The following MYH11 variants were observed in gnomAD, a reference collection of about 807,000 sequenced individuals.
MYH11 encodes myosin heavy chain 11.
Under a neutral mutation model 246.6 loss-of-function variants are expected in MYH11, and 80 were observed. The observed-to-expected ratio is 0.32, with a 90% CI of 0.27 to 0.39. The LOEUF is 0.39. Ranked by LOEUF, MYH11 falls within the 10% of genes least tolerant of loss-of-function variation. The probability of loss-of-function intolerance (pLI) is 1.00; values close to 1 mark genes in which losing one functional copy is unlikely to be tolerated. For missense variants in MYH11, 2,158 were observed against 2,546.8 expected, an observed-to-expected ratio of 0.85 and a Z score of 3.29; for synonymous variants, 1,071 against 1,015.5, an observed-to-expected ratio of 1.05 and a Z score of -1.04.
At chr16:15,751,355 G>A (rs1279432095) in intron 15 of MYH11, among the ~76,000 whole-genome samples, 5 of 151,470 alleles carry the variant, frequency 3.3e-5, no homozygotes, top group African/African-American at 1.2e-4. Context: ...TAGAGACAGA[G>A]TTTCTCCATG....
chr16:15,842,531 G>A (rs1278184908), intron 1 of MYH11, among the ~76,000 whole-genome samples: 14 of 151,992 alleles, frequency 9.2e-5, no homozygotes, highest in Non-Finnish European at 1.9e-4. Context: ...TTGGGGCTGA[G>A]GTAGGAGGAT....
chr16:15,744,505 A>T (rs1291913429), intron 20 of MYH11, among the ~76,000 whole-genome samples: 1 of 134,762 alleles, frequency 7.4e-6, no homozygotes, highest in Non-Finnish European at 1.6e-5. Context: ...TTTTTTAAAT[A>T]AAAAAAAAAA....
intron 2 of MYH11, among the ~76,000 whole-genome samples, chr16:15,834,503 G>C (rs996525483): frequency 3.4e-5 from 5 of 148,054 alleles, no homozygotes; most frequent in Admixed American, 2.7e-4. Flanking sequence ...TCCAGCCTGA[G>C]CAACAAAAGT....
rs185720909 is a variant in MYH11, at chr16:15,724,919, G to A, written c.3932C>T (p.Ala1311Val). 161 of 1,614,112 alleles carry A rather than the reference G, an allele frequency of 1.0e-4. 1 individual carries two copies. The highest frequency in any genetic ancestry group is 8.2e-4 in the Admixed American group (49 of 60,020). Residue 1311 changes from alanine to valine, a missense_variant, in exon 29 of 41, where the codon GCG (alanine) becomes GTG (valine). Around this residue, in one of 11 missense-constraint regions of MYH11, gnomAD observed 1,013 missense variants for 993.5 expected, o/e 1.02. Coordinates refer to ENST00000300036, the MANE Select transcript of MYH11 (RefSeq NM_002474.3). ...GTCCTGGAGCTGGGAACTGAGGGAC[G>A]CCACGTCCTTGGCCAGCTTAATGGC... is the stretch of plus-strand genomic sequence containing the variant. ...GKAIKLAKDVASLSSQLQDTQ... is the reference protein window; with the variant it reads ...GKAIKLAKDVVSLSSQLQDTQ...
rs199997929 is a variant in MYH11 at position 15,714,935 on chromosome 16, C to T, written c.5760G>A (p.Glu1920=). ...TGAGCTTGCTCTTGAGTGCGTTCAC[C>T]TCGCGGCCCATGGCCTCGTTGCTCT... The part of the protein sequence containing the change: ...ATESNEAMGR[E]VNALKSKLRR... The change falls in exon 40 of 41, where the codon GAG becomes GAA. Residue 1920 remains glutamate (E), a synonymous_variant. Coordinates refer to ENST00000300036, the MANE Select transcript of MYH11 (RefSeq NM_002474.3). 6.2e-5 allele frequency: 100 copies of T among 1,614,072 alleles called. No individual in the cohort carries two copies. Among genetic ancestry groups the T allele is most frequent in the Non-Finnish European group, 8.2e-5 (97 of 1,180,050 alleles).
chr16:15,851,623 C>A (rs547876326), intron 1 of MYH11, among the ~76,000 whole-genome samples: 1 of 152,216 alleles, frequency 6.6e-6, no homozygotes, highest in African/African-American at 2.4e-5. Context: ...CCATTCACAT[C>A]CCCCCACCTC....
In MYH11 at chr16:15,763,896, G is replaced by A. The variant is rs1326263127; in HGVS notation, c.1034-5C>T. 2 of 1,611,356 alleles carry A rather than the reference G, an allele frequency of 1.2e-6. No individual in the cohort carries two copies. The highest frequency in any genetic ancestry group is 1.7e-6 in the Non-Finnish European group (2 of 1,177,568). The stretch of plus-strand genomic sequence containing the variant: ...ATGATACCACCTTCAATATGGCTGA[G>A]GTGGGGAGAGAAGGGCAGAGCAGAC... On this transcript the variant is annotated splice_region_variant and splice_polypyrimidine_tract_variant and intron_variant, in intron 9 of 40. Transcript: ENST00000300036.
intron 1 of MYH11, among the ~76,000 whole-genome samples, chr16:15,844,397 C>A (rs1419547382): frequency 1.3e-5 from 2 of 152,138 alleles, no homozygotes; most frequent in African/African-American, 4.8e-5. Context: ...GGGGTTTCAC[C>A]ATATTGTCCA....
At chr16:15,710,070 A>G (rs1369001071) in intron 40 of MYH11, among the ~76,000 whole-genome samples, 1 of 152,236 alleles carries the variant, frequency 6.6e-6, no homozygotes, top group African/African-American at 2.4e-5. Context: ...GTGCACCCAA[A>G]AGATGCAGAA....
chr16:15,760,069 C>G (rs948425424), intron 11 of MYH11, among the ~76,000 whole-genome samples: 13 of 152,092 alleles, frequency 8.5e-5, no homozygotes, highest in Non-Finnish European at 1.3e-4. Flanking sequence ...TGCACCCCCC[C>G]CTGGGCAACA....
chr16:15,767,064 A>C (rs940055384), intron 9 of MYH11, among the ~76,000 whole-genome samples: 3 of 152,122 alleles, frequency 2.0e-5, no homozygotes, highest in Non-Finnish European at 2.9e-5. Flanking sequence ...AGATGGATGG[A>C]TGGCAGATGG....
intron 1 of MYH11, among the ~76,000 whole-genome samples, chr16:15,850,246 G>A (rs2044296582): frequency 6.6e-6 from 1 of 152,010 alleles, no homozygotes; most frequent in African/African-American, 2.4e-5. Context: ...ATAGCCAGGT[G>A]TGGTGGTGGG....
intron 1 of MYH11, among the ~76,000 whole-genome samples, chr16:15,854,708 T>A (rs9925632): frequency 0.19 from 28,808 of 152,150 alleles, 3,355 homozygotes; most frequent in East Asian, 0.43. Flanking sequence ...CTGGATTGAA[T>A]ATTGAACTTG....
At chr16:15,726,456 T>A in intron 28 of MYH11, 1 of 323,292 alleles carries the variant, frequency 3.1e-6, no homozygotes, top group Non-Finnish European at 6.0e-6. Flanking sequence ...CTGCAACCTC[T>A]GCCTCCTGGG....
In MYH11 at chr16:15,732,529, TGTCATCACCAAAA is replaced by T. The variant is rs759944024; in HGVS notation, c.3651+22_3651+34del. ...TGAGGCTGCTGATGTCACTCTTATG[TGTCATCACCAAAA>T]AGCATCACCAAAAAGCATTACCCTC... On this transcript the variant is annotated intron_variant, in intron 27 of 40. Coordinates refer to ENST00000300036, the MANE Select transcript of MYH11 (RefSeq NM_002474.3). The T allele has an allele frequency of 3.2e-5, 52 of 1,614,070 alleles. No individual in the cohort carries two copies. In the Middle Eastern group the frequency reaches 6.6e-4, roughly 20 times the overall value.
intron 14 of MYH11, among the ~76,000 whole-genome samples, chr16:15,755,406 C>G (rs968441949): frequency 6.6e-6 from 1 of 152,114 alleles, no homozygotes; most frequent in African/African-American, 2.4e-5. Context: ...TTGTTGAAGC[C>G]AGGTGTGGAT....
At chr16:15,821,988 C>T (rs1486328824) in intron 3 of MYH11, among the ~76,000 whole-genome samples, 1 of 152,152 alleles carries the variant, frequency 6.6e-6, no homozygotes, top group Non-Finnish European at 1.5e-5. Context: ...GAGATTACAG[C>T]TCCAAGATTG....
chr16:15,751,609 CTTT>C (rs34772774), intron 15 of MYH11, among the ~76,000 whole-genome samples: 3 of 116,334 alleles, frequency 2.6e-5, no homozygotes, highest in Admixed American at 8.7e-5. Flanking sequence ...GTGTAACAAT[CTTT>C]TTTTTTTTTT....
intron 1 of MYH11, among the ~76,000 whole-genome samples, chr16:15,845,731 G>GGAGA (rs1382556522): frequency 6.7e-6 from 1 of 149,360 alleles, no homozygotes; most frequent in Non-Finnish European, 1.5e-5. Context: ...AGAAAAAGAA[G>GGAGA]GAGAGAGAGA....
Sources: allele counts gnomAD v4.1 joint callset (sites outside exome capture counted in the v4.1 genomes callset), GRCh38; gene constraint gnomAD v4.1.1; regional missense constraint gnomAD v4.1.1; transcripts MANE v1.5; gene names NCBI Gene and HGNC (gene_info 2026-07-23, HGNC 2026-07-21).